The following TAP2 variants were observed in gnomAD, a reference collection of about 807,000 sequenced individuals.
TAP2 encodes the protein transporter 2, ATP binding cassette subfamily B member, also known as antigen peptide transporter 2.
A neutral mutation model predicts 74.7 loss-of-function variants in TAP2; 49 were observed. That is an observed-to-expected ratio of 0.66 (90% CI 0.52 to 0.83). The LOEUF (loss-of-function observed/expected upper bound fraction) is 0.83, where lower values mean the gene tolerates loss of function less well. Among genes scored for constraint, TAP2 ranks in the 40% least tolerant of loss-of-function variants. TAP2 has a pLI of 0.00. For missense variants in TAP2, 739 were observed against 859.0 expected (o/e 0.86, Z 1.75); for synonymous variants, 306 against 368.4 (o/e 0.83, Z 1.94).
chr6:32,832,973 T>A lies in TAP2; in HGVS notation c.946-149A>T. On this transcript the variant is annotated intron_variant, in intron 5 of 11. Coordinates refer to ENST00000374897, the MANE Select transcript of TAP2 (RefSeq NM_001290043.2). The surrounding 1 kb of genome is among the most constrained non-coding windows in gnomAD (Gnocchi z 5.9). ...TCCTTACTCTTCTTTCCAGAAGGAA[T>A]AAGAGTGAAGGAGCAAGGGAACAAA... is the stretch of plus-strand genomic sequence containing the variant. 1 of 943,148 alleles carries A rather than the reference T, an allele frequency of 1.1e-6. No homozygotes were observed. The highest frequency in any genetic ancestry group is 1.6e-6 in the Non-Finnish European group (1 of 612,686). 58.4% of individuals were successfully genotyped at this position (943,148 alleles called of 1,614,324 possible).
In TAP2 at chr6:32,828,921, C is replaced by T. The variant is rs1212296156; in HGVS notation, c.2046G>A (p.Lys682=). The T allele has an allele frequency of 6.5e-7, 1 of 1,545,640 alleles. No homozygotes were observed. Among genetic ancestry groups the T allele is most frequent in the African/African-American group, 1.4e-5 (1 of 73,034 alleles). ...ILVLQEGKLQ[K]LAQL Reference sequence around the variant, plus strand: ...CCTGTCCCTCCTAGAGCTGGGCAAGCTTCTGCAGCTTGCCCTCCTGGAGCA... The same window carrying T: ...CCTGTCCCTCCTAGAGCTGGGCAAGTTTCTGCAGCTTGCCCTCCTGGAGCA... The change falls in exon 12 of 12, where the codon AAG becomes AAA. Residue 682 remains lysine, a synonymous_variant. Coordinates refer to ENST00000374897, the MANE Select transcript of TAP2 (RefSeq NM_001290043.2).
In TAP2 at chr6:32,826,511, CCAGA is replaced by C. The variant is rs2127347713; in HGVS notation, c.*2391_*2394del. On this transcript the variant is annotated 3_prime_UTR_variant, in exon 12 of 12. Transcript: ENST00000374897. Reference sequence around the variant, plus strand: ...CCAGGATTAGTGACATCTGTGGTTCCCAGACAAACCACACTTACAGGAATTTGTC... The same window carrying C: ...CCAGGATTAGTGACATCTGTGGTTCCCAAACCACACTTACAGGAATTTGTC... 1 of 985,308 alleles carries C rather than the reference CCAGA, an allele frequency of 1.0e-6. No homozygotes were observed. The highest frequency in any genetic ancestry group is 1.2e-6 in the Non-Finnish European group (1 of 829,908). The allele number at this position is 985,308 out of a possible 1,614,324, so 61.0% of individuals were successfully genotyped here. A position where few individuals can be genotyped will look rare whatever the true frequency, so the allele number is the denominator to read the frequency against.
In TAP2 at chr6:32,828,679, C is replaced by CACCCCTCCA; in HGVS notation, c.*226_*227insTGGAGGGGT. The CACCCCTCCA allele has an allele frequency of 4.2e-6, 4 of 948,140 alleles. No homozygotes were observed. The highest frequency in any genetic ancestry group is 3.8e-6 in the Non-Finnish European group (3 of 788,692). The allele number at this position is 948,140 out of a possible 1,614,324, so 58.7% of individuals were successfully genotyped here. ...TAAGTTTCCTGGACACAGACAGCCC[C>CACCCCTCCA]CACCCCACCCCACCCCACCTCTCTA... On this transcript the variant is annotated 3_prime_UTR_variant, in exon 12 of 12. Coordinates refer to ENST00000374897, the MANE Select transcript of TAP2 (RefSeq NM_001290043.2).
In TAP2 at chr6:32,827,589, T is replaced by C. The variant is rs1768742696; in HGVS notation, c.*1317A>G. 1 of 454,086 alleles carries C rather than the reference T, an allele frequency of 2.2e-6. No individual in the cohort carries two copies. The highest frequency in any genetic ancestry group is 6.4e-5 in the Admixed American group (1 of 15,570). 28.1% of individuals were successfully genotyped at this position (454,086 alleles called of 1,614,324 possible). ...TGGAAGACCTGAACCCTGAGTTAAG[T>C]CTTGAACTTGAAAATCAGGGGCGAG... On this transcript the variant is annotated 3_prime_UTR_variant, in exon 12 of 12. Transcript: ENST00000374897.
At chr6:32,822,827 G>A (rs1311379942), downstream of TAP2, among the ~76,000 whole-genome samples, 1 of 151,540 alleles carries the variant, frequency 6.6e-6, no homozygotes, top group East Asian at 1.9e-4. Flanking sequence ...CACTGCACCC[G>A]GCCTCTATTT....
Position 32,837,875 on chromosome 6 carries a change from C to G in TAP2, c.359G>C (p.Ser120Thr). ...CTCCTTCTCCTGGGCTCCAGGAGGG[C>G]TCAGAACAGCCCACAGTGACCAGCT... ...GLSWSLWAVL[S>T]PPGAQEKEQD... Residue 120 changes from serine to threonine, a missense_variant, in exon 2 of 12, where the codon AGC becomes ACC. Physicochemically the swap from Ser to Thr is moderately conservative, Grantham distance 58 (BLOSUM62 1). Transcript: ENST00000374897. 1 of 1,613,176 alleles carries G rather than the reference C, an allele frequency of 6.2e-7. No homozygotes were observed. The highest frequency in any genetic ancestry group is 8.5e-7 in the Non-Finnish European group (1 of 1,179,986).
Position 32,828,792 on chromosome 6 carries a change from A to C in TAP2, c.*114T>G. The C allele has an allele frequency of 7.1e-7, 1 of 1,411,328 alleles. No individual in the cohort carries two copies. Among genetic ancestry groups the C allele is most frequent in the Non-Finnish European group, 9.3e-7 (1 of 1,080,104 alleles). 87.4% of individuals were successfully genotyped at this position (1,411,328 alleles called of 1,614,324 possible). On this transcript the variant is annotated 3_prime_UTR_variant, in exon 12 of 12. Transcript: ENST00000374897. ...GGCCGCACAGCTCTAGGGAAACTCA[A>C]AGCAGGAACAGCTCTGGGTCCTGGA... is the stretch of plus-strand genomic sequence containing the variant.
chr6:32,837,977 G>GC lies in TAP2; in HGVS notation c.256dup (p.Ala86GlyfsTer81). ...GACTCTGGCTGGGGGAGCACGTGAG[G>GC]CCCCCGCGACCAGGGCTCTCAGGGA... is the stretch of plus-strand genomic sequence containing the variant. On this transcript the variant is annotated frameshift_variant, in exon 2 of 12. Coordinates refer to ENST00000374897, the MANE Select transcript of TAP2 (RefSeq NM_001290043.2). LOFTEE classifies it high-confidence loss of function. 17 of 1,612,604 alleles carry GC rather than the reference G, an allele frequency of 1.1e-5. No homozygotes were observed. The highest frequency in any genetic ancestry group is 1.4e-5 in the Non-Finnish European group (16 of 1,179,866).
At position 32,826,026 on chromosome 6, in the gene TAP2, G is replaced by T; in HGVS notation, c.*2880C>A. The T allele has an allele frequency of 1.3e-5, 13 of 985,412 alleles. No individual in the cohort carries two copies. The highest frequency in any genetic ancestry group is 1.6e-5 in the Non-Finnish European group (13 of 829,936). 61.0% of individuals were successfully genotyped at this position (985,412 alleles called of 1,614,324 possible). On this transcript the variant is annotated 3_prime_UTR_variant, in exon 12 of 12. Transcript: ENST00000374897. ...TTCCTAAGAGTCCATGGAACTCTAG[G>T]TTCAAAACCCAGTTTCTTCTGGGAC...
intron 10 of TAP2, 122 bp from the exon 11 acceptor site, chr6:32,829,658 G>A: frequency 6.8e-7 from 1 of 1,479,560 alleles, no homozygotes; most frequent in Non-Finnish European, 9.3e-7. Flanking sequence ...CCCAGTGCGG[G>A]GAGGGCCCAG....
At chr6:32,830,519 G>A (rs955809949) in intron 8 of TAP2, 79 bp from the exon 9 acceptor site, 2 of 1,594,748 alleles carry the variant, frequency 1.3e-6, no homozygotes, top group Non-Finnish European at 8.5e-7. Context: ...GCAGAGGCAA[G>A]ACCAGGTTCT....
downstream of TAP2, among the ~76,000 whole-genome samples, chr6:32,822,982 C>T (rs577790272): frequency 7.3e-6 from 1 of 137,324 alleles, no homozygotes; most frequent in South Asian, 2.2e-4. Flanking sequence ...TGCAGTGGTG[C>T]GATCTTGGCT....
chr6:32,838,081 C>T lies in TAP2; in HGVS notation c.153G>A (p.Gly51=), dbSNP rs1471589095. The change falls in exon 2 of 12, where the codon GGG becomes GGA. Residue 51 remains glycine, a synonymous_variant. Coordinates refer to ENST00000374897, the MANE Select transcript of TAP2 (RefSeq NM_001290043.2). ...EGTLRLGGLW[G]LLKLRGLLGF... ...CCAGCAGCCCTCTTAGCTTTAGCAG[C>T]CCCCACAGCCCTCCCAGCCGCAGGG... is the stretch of plus-strand genomic sequence containing the variant. 5.0e-6 allele frequency: 8 copies of T among 1,612,120 alleles called. No homozygotes were observed. Among genetic ancestry groups the T allele is most frequent in the Non-Finnish European group, 6.8e-6 (8 of 1,179,752 alleles).
At chr6:32,837,698 C>T in intron 2 of TAP2, 43 bp downstream of exon 2, 1 of 1,614,114 alleles carries the variant, frequency 6.2e-7, no homozygotes, top group Non-Finnish European at 8.5e-7. Flanking sequence ...GGTGCCCAGG[C>T]CCTTTTACCA....
At position 32,835,962 on chromosome 6, in the gene TAP2, A is replaced by G. The variant is rs1257210657; in HGVS notation, c.609-189T>C. The stretch of plus-strand genomic sequence containing the variant: ...AGAGGTAAGGAATACACAGAGGAAG[A>G]AGAAAGAGGAGACATGGTGAGCTAG... On this transcript the variant is annotated intron_variant, in intron 3 of 11. Coordinates refer to ENST00000374897, the MANE Select transcript of TAP2 (RefSeq NM_001290043.2). This position sits in a 1 kb window ranked among gnomAD's most constrained non-coding sequence, Gnocchi z 4.0. 6.6e-6 allele frequency among the ~76,000 whole-genome samples: 1 copy of G among 152,168 alleles called. No homozygotes were observed. The highest frequency in any genetic ancestry group is 1.5e-5 in the Non-Finnish European group (1 of 68,016).
At chr6:32,823,148 G>A (rs1357286610), downstream of TAP2, among the ~76,000 whole-genome samples, 3 of 152,016 alleles carry the variant, frequency 2.0e-5, no homozygotes, top group African/African-American at 7.3e-5. Context: ...TCGAAATCCT[G>A]ACCTCAGGTG....
rs1436892267 is a variant in TAP2, at chr6:32,835,711, C to T, written c.671G>A (p.Arg224Gln). 4.3e-6 allele frequency: 7 copies of T among 1,612,892 alleles called. No homozygotes were observed. The highest frequency in any genetic ancestry group is 3.3e-5 in the Admixed American group (2 of 59,988). ...FTYTMSRINL[R>Q]IREQLFSSLL... ...GGAGGAGAAAAGCTGCTCCCGGATC[C>T]GCAAGTTGATTCGAGACATGGTGTA... The change falls in exon 4 of 12, where the codon CGG becomes CAG. Residue 224 changes from arginine to glutamine, a missense_variant. Arg to Gln is a conservative substitution (Grantham distance 43). Transcript: ENST00000374897. The surrounding 1 kb of genome is among the most constrained non-coding windows in gnomAD (Gnocchi z 4.0).
In TAP2 at chr6:32,826,081, C is replaced by T. The variant is rs796834094; in HGVS notation, c.*2825G>A. 2.1e-5 allele frequency: 21 copies of T among 985,452 alleles called. No individual in the cohort carries two copies. The African/African-American group carries it at 3.5e-4, about 16-fold the overall frequency. The allele number at this position is 985,452 out of a possible 1,614,324, so 61.0% of individuals were successfully genotyped here. On this transcript the variant is annotated 3_prime_UTR_variant, in exon 12 of 12. Coordinates refer to ENST00000374897, the MANE Select transcript of TAP2 (RefSeq NM_001290043.2). Reference sequence around the variant, plus strand: ...AGATGGCATCAGACTCAAGCAGGTGCTCCTCTAGCTGACAGCTCTAAAACA... The same window carrying T: ...AGATGGCATCAGACTCAAGCAGGTGTTCCTCTAGCTGACAGCTCTAAAACA...
chr6:32,830,142 G>A, intron 9 of TAP2, 53 bp from the exon 10 acceptor site: 1 of 1,612,584 alleles, frequency 6.2e-7, no homozygotes, highest in South Asian at 1.1e-5. Flanking sequence ...CAAGGCAGGG[G>A]CCCTTTTGTC....
Sources: allele counts gnomAD v4.1 joint callset (sites outside exome capture counted in the v4.1 genomes callset), GRCh38; gene constraint gnomAD v4.1.1; non-coding constraint Gnocchi (gnomAD v3.1); transcripts MANE v1.5; gene names NCBI Gene and HGNC (gene_info 2026-07-23, HGNC 2026-07-21).